NPRL3: variants seen among roughly 807,000 people sequenced by gnomAD.
NPRL3 encodes the protein NPR3 like, GATOR1 complex subunit.
A neutral mutation model predicts 57.2 loss-of-function variants in NPRL3; 23 were observed. That is an observed-to-expected ratio of 0.40 (90% confidence interval 0.29 to 0.57). The LOEUF is 0.57. Among genes scored for constraint, NPRL3 ranks in the 20% least tolerant of loss-of-function variants. The probability of loss-of-function intolerance (pLI) is 0.42; values close to 1 mark genes in which losing one functional copy is unlikely to be tolerated. For missense variants in NPRL3, 691 were observed against 767.1 expected (o/e 0.90, Z 1.17); for synonymous variants, 333 against 321.1 (o/e 1.04, Z -0.39).
rs755232774 is a variant in NPRL3, at chr16:92,717, G to A, written c.1040C>T (p.Pro347Leu). ...CTGGTGGGAGAACTGCTCGGCCAGCGGGGAGTACCTGCAGGCAGGTGAGCA... is the reference window on the plus strand; with the variant it reads ...CTGGTGGGAGAACTGCTCGGCCAGCAGGGAGTACCTGCAGGCAGGTGAGCA... Reference protein sequence around the residue: ...SPNASVCLYSPLAEQFSHQFP... With the variant: ...SPNASVCLYSLLAEQFSHQFP... Residue 347 changes from proline to leucine, a missense_variant, in exon 11 of 14, where the codon CCG (proline) becomes CTG (leucine). Physicochemically the swap from Pro to Leu is moderately conservative, Grantham distance 98. Coordinates refer to ENST00000611875, the MANE Select transcript of NPRL3 (RefSeq NM_001077350.3). 25 of 1,613,466 alleles carry A rather than the reference G, an allele frequency of 1.5e-5. No homozygotes were observed. The highest frequency in any genetic ancestry group is 1.4e-4 in the South Asian group (13 of 90,940).
At chr16:93,385 A>G (rs750494696) in intron 9 of NPRL3, 60 bp from the exon 10 acceptor site, 1 of 1,106,852 alleles carries the variant, frequency 9.0e-7, no homozygotes, top group East Asian at 2.6e-5. Flanking sequence ...GGGAGCTGTC[A>G]GCAGCTCTCA....
intron 8 of NPRL3, 61 bp downstream of exon 8, chr16:100,311 C>G: frequency 7.2e-7 from 1 of 1,393,976 alleles, no homozygotes; most frequent in Non-Finnish European, 9.4e-7. Flanking sequence ...GGTAAAATCT[C>G]AGGCAGAAGC....
At chr16:133,940 C>A (rs1471300829) in intron 2 of NPRL3, among the ~76,000 whole-genome samples, 1 of 152,122 alleles carries the variant, frequency 6.6e-6, no homozygotes, top group Non-Finnish European at 1.5e-5. Flanking sequence ...GGGCGAACAG[C>A]CAGAATACAC....
At chr16:124,334 T>TC (rs1900419362) in intron 3 of NPRL3, among the ~76,000 whole-genome samples, 1 of 151,990 alleles carries the variant, frequency 6.6e-6, no homozygotes, top group South Asian at 2.1e-4. Context: ...CAGAAGTATC[T>TC]CATCTTTTCT....
At chr16:124,190 T>G (rs990638160) in intron 3 of NPRL3, among the ~76,000 whole-genome samples, 1 of 151,880 alleles carries the variant, frequency 6.6e-6, no homozygotes, top group Non-Finnish European at 1.5e-5. Flanking sequence ...TACCATGGGG[T>G]TTTCTCACTA....
At chr16:130,676 G>T in intron 2 of NPRL3, 85 bp from the exon 3 acceptor site, 1 of 1,315,974 alleles carries the variant, frequency 7.6e-7, no homozygotes, top group Non-Finnish European at 1.1e-6. Context: ...TAACAGCCAT[G>T]TTTTCCAAAA....
chr16:95,325 G>GTGTATA (rs761991763), intron 9 of NPRL3, among the ~76,000 whole-genome samples: 103 of 102,162 alleles, frequency 1.0e-3, no homozygotes, highest in South Asian at 4.5e-3. Flanking sequence ...GTTTGTGTGT[G>GTGTATA]TATATATATA....
At position 138,612 on chromosome 16, in the gene NPRL3, T is replaced by G. The variant is rs1297520645; in HGVS notation, c.-68+30A>C. ...GGCCTGAGGAGGACAGGGGTGGTGG[T>G]GGACGCGGAGCAGCGCCACAGTTAC... On this transcript the variant is annotated intron_variant, in intron 1 of 13. Coordinates refer to ENST00000611875, the MANE Select transcript of NPRL3 (RefSeq NM_001077350.3). 1.8e-4 allele frequency: 9 copies of G among 51,426 alleles called. 3 individuals are homozygous for G. Among genetic ancestry groups the G allele is most frequent in the Admixed American group, 1.5e-3 (2 of 1,344 alleles). The allele number at this position is 51,426 out of a possible 1,614,324, so 3.2% of individuals were successfully genotyped here. A position where few individuals can be genotyped will look rare whatever the true frequency, so the allele number is the denominator to read the frequency against.
At position 85,665 on chromosome 16, in the gene NPRL3, T is replaced by C. The variant is rs771149840; in HGVS notation, c.*1040A>G. On this transcript the variant is annotated 3_prime_UTR_variant, in exon 14 of 14. Transcript: ENST00000611875. ...CCGGCTGTAGTGGCAGCAGCCCGGG[T>C]GGGCGTCGGCCATGCAGGGGAGTGG... 1 of 1,577,564 alleles carries C rather than the reference T, an allele frequency of 6.3e-7. No individual in the cohort carries two copies. Among genetic ancestry groups the C allele is most frequent in the South Asian group, 1.1e-5 (1 of 87,816 alleles).
At chr16:113,701 T>C (rs1278499195) in intron 5 of NPRL3, among the ~76,000 whole-genome samples, 1 of 152,176 alleles carries the variant, frequency 6.6e-6, no homozygotes, top group Non-Finnish European at 1.5e-5. Flanking sequence ...AAGGGGTGAA[T>C]GGTACTGCTG....
chr16:89,316 G>C, intron 12 of NPRL3: 1 of 267,018 alleles, frequency 3.7e-6, no homozygotes. Flanking sequence ...CTGGGGACCG[G>C]GGACCTGGGA....
Position 112,602 on chromosome 16 carries a change from T to C in NPRL3, c.547+20A>G. The C allele has an allele frequency of 1.3e-6, 2 of 1,530,078 alleles. No individual in the cohort carries two copies. The highest frequency in any genetic ancestry group is 1.8e-6 in the Non-Finnish European group (2 of 1,131,630). 94.8% of individuals were successfully genotyped at this position (1,530,078 alleles called of 1,614,324 possible). A position where few individuals can be genotyped will look rare whatever the true frequency, so the allele number is the denominator to read the frequency against. On this transcript the variant is annotated intron_variant, in intron 6 of 13. Coordinates refer to ENST00000611875, the MANE Select transcript of NPRL3 (RefSeq NM_001077350.3). ...ACCAGCCAGCCCAGACCCATGCCCA[T>C]CACGCCCTGCTGCACTCACCATCAG...
intron 11 of NPRL3, among the ~76,000 whole-genome samples, chr16:92,242 A>AG (rs1898791383): frequency 6.6e-6 from 1 of 152,168 alleles, no homozygotes; most frequent in Non-Finnish European, 1.5e-5. Flanking sequence ...CCTCATCTGT[A>AG]GGCAGTCCCC....
At chr16:107,290 C>T (rs1899575291) in intron 7 of NPRL3, among the ~76,000 whole-genome samples, 1 of 152,168 alleles carries the variant, frequency 6.6e-6, no homozygotes, top group African/African-American at 2.4e-5. Context: ...GGTTTTGTCT[C>T]CTTTCAACTT....
intron 9 of NPRL3, among the ~76,000 whole-genome samples, chr16:95,022 C>T (rs1332137162): frequency 6.6e-6 from 1 of 152,116 alleles, no homozygotes; most frequent in Non-Finnish European, 1.5e-5. Context: ...CGGCCAGTGT[C>T]TCTTGGCTTG....
At chr16:112,829 G>C (rs1462004566) in intron 5 of NPRL3, 54 bp from the exon 6 acceptor site, 5 of 1,483,676 alleles carry the variant, frequency 3.4e-6, no homozygotes, top group East Asian at 2.4e-5. Flanking sequence ...GACACAGCTG[G>C]ACACAGTTTA....
intron 3 of NPRL3, among the ~76,000 whole-genome samples, chr16:121,452 C>G (rs139776004): frequency 6.6e-6 from 1 of 152,022 alleles, no homozygotes; most frequent in Non-Finnish European, 1.5e-5. Context: ...ATGAAACCCC[C>G]GTCTCTACTA....
intron 3 of NPRL3, among the ~76,000 whole-genome samples, chr16:128,838 T>G (rs1410637353): frequency 6.6e-6 from 1 of 151,528 alleles, no homozygotes; most frequent in African/African-American, 2.4e-5. Flanking sequence ...AGGAACATGC[T>G]CTGAGCTATG....
chr16:117,159 T>C, intron 5 of NPRL3, 142 bp downstream of exon 5: 1 of 604,906 alleles, frequency 1.7e-6, no homozygotes, highest in Non-Finnish European at 3.0e-6. Context: ...GGGTAAACAA[T>C]GAAGTGCAGT....
Sources: allele counts gnomAD v4.1 joint callset (sites outside exome capture counted in the v4.1 genomes callset), GRCh38; gene constraint gnomAD v4.1.1; transcripts MANE v1.5; gene names NCBI Gene and HGNC (gene_info 2026-07-23, HGNC 2026-07-21).